The following BTBD9 variants were observed in gnomAD, a reference collection of about 807,000 sequenced individuals.
BTBD9 encodes BTB/POZ domain-containing protein 9.
Under a neutral mutation model 64.3 loss-of-function variants are expected in BTBD9, and 49 were observed. The ratio of observed to expected loss-of-function variants is 0.76; its 90% CI spans 0.61 to 0.97. The LOEUF (loss-of-function observed/expected upper bound fraction) is 0.97, where lower values mean the gene tolerates loss of function less well. Ranked by LOEUF, BTBD9 falls within the 50% of genes least tolerant of loss-of-function variation. The pLI is 0.00. For missense variants in BTBD9, 598 were observed against 762.1 expected, an observed-to-expected ratio of 0.78 and a Z score of 2.53; for synonymous variants, 260 against 274.7, an observed-to-expected ratio of 0.95 and a Z score of 0.53.
chr6:38,551,100 C>T (rs558142092), intron 6 of BTBD9, among the ~76,000 whole-genome samples: 2 of 151,234 alleles, frequency 1.3e-5, no homozygotes, highest in East Asian at 3.9e-4. Context: ...ATTGCAAACC[C>T]ACCCCATAAA....
At position 38,480,702 on chromosome 6, in the gene BTBD9, A is replaced by G. The variant is rs1327502792; in HGVS notation, c.1154+96898T>C. On this transcript the variant is annotated intron_variant, in intron 6 of 10. Coordinates refer to ENST00000481247, the MANE Select transcript of BTBD9 (RefSeq NM_001099272.2). ...GTAATGGAAGTGTACTCTGAGAACC[A>G]TCTGAAAAGAAGCCTGACAACTTGC... Among the ~76,000 whole-genome samples the G allele has an allele frequency of 3.3e-5, 5 of 152,216 alleles. No homozygotes were observed. The South Asian group carries it at 1.0e-3, about 32-fold the overall frequency.
chr6:38,270,339 C>A (rs1028922007), intron 8 of BTBD9, among the ~76,000 whole-genome samples: 7 of 152,072 alleles, frequency 4.6e-5, no homozygotes, highest in African/African-American at 1.7e-4. Flanking sequence ...ACCCCCCACC[C>A]CCCACTACCC....
At chr6:38,633,709 C>A (rs1391818970) in intron 1 of BTBD9, among the ~76,000 whole-genome samples, 8 of 152,080 alleles carry the variant, frequency 5.3e-5, no homozygotes, top group Non-Finnish European at 1.0e-4. Context: ...AGTCTGTAAT[C>A]AATATTTATA....
At chr6:38,194,023 A>G (rs1447698169) in intron 9 of BTBD9, among the ~76,000 whole-genome samples, 2 of 152,000 alleles carry the variant, frequency 1.3e-5, no homozygotes, top group Non-Finnish European at 2.9e-5. Context: ...TTCACACATG[A>G]AGGTGACGCC....
intron 6 of BTBD9, among the ~76,000 whole-genome samples, chr6:38,556,550 TGA>T (rs139812784): frequency 0.25 from 15,335 of 60,764 alleles, 1,013 homozygotes; most frequent in East Asian, 0.46. Flanking sequence ...TGTGTGTGTG[TGA>T]GAGAGAGAGA....
chr6:38,179,996 C>A (rs1363143445), intron 10 of BTBD9: 1 of 381,942 alleles, frequency 2.6e-6, no homozygotes, highest in Admixed American at 3.0e-5. Flanking sequence ...ACTCTGGTCA[C>A]CCCTCTGTGG....
intron 6 of BTBD9, among the ~76,000 whole-genome samples, chr6:38,436,921 A>T (rs1216735867): frequency 6.6e-6 from 1 of 152,216 alleles, no homozygotes; most frequent in African/African-American, 2.4e-5. Flanking sequence ...TGATAGTTGT[A>T]GTCATAGGAA....
At chr6:38,621,689 C>T (rs1777988672) in intron 1 of BTBD9, among the ~76,000 whole-genome samples, 1 of 152,220 alleles carries the variant, frequency 6.6e-6, no homozygotes, top group African/African-American at 2.4e-5. Context: ...TTCCTAACAT[C>T]TGGGGGAACC....
chr6:38,230,182 C>T lies in BTBD9; in HGVS notation c.1562+26227G>A, dbSNP rs960251649. Among the ~76,000 whole-genome samples, 4 of 152,102 alleles carry T rather than the reference C, an allele frequency of 2.6e-5. No homozygotes were observed. The East Asian group carries it at 7.7e-4, about 29-fold the overall frequency. On this transcript the variant is annotated intron_variant, in intron 9 of 10. Transcript: ENST00000481247. The stretch of plus-strand genomic sequence containing the variant: ...TTCTGATTTGTTCTCCACACAGCAA[C>T]CAGAATGAACTTTAAAAAGCAGACA...
intron 2 of BTBD9, among the ~76,000 whole-genome samples, chr6:38,595,229 T>C (rs1339788260): frequency 6.6e-6 from 1 of 152,230 alleles, no homozygotes; most frequent in Non-Finnish European, 1.5e-5. Context: ...AAGAAATTCA[T>C]ATTAAACTCT....
chr6:38,348,170 C>T (rs1764362635), intron 6 of BTBD9, among the ~76,000 whole-genome samples: 1 of 152,096 alleles, frequency 6.6e-6, no homozygotes, highest in Admixed American at 6.6e-5. Flanking sequence ...TTATTACTAC[C>T]CAAGTTATTG....
chr6:38,302,749 T>G (rs1193339278), intron 7 of BTBD9, among the ~76,000 whole-genome samples: 2 of 151,990 alleles, frequency 1.3e-5, no homozygotes, highest in African/African-American at 4.8e-5. Context: ...TGTACTAATT[T>G]ACATTACCAC....
intron 9 of BTBD9, among the ~76,000 whole-genome samples, chr6:38,224,311 G>C (rs1413297797): frequency 6.6e-6 from 1 of 152,144 alleles, no homozygotes; most frequent in Non-Finnish European, 1.5e-5. Context: ...ATTCCTCTTG[G>C]ATTTGTCTAT....
At chr6:38,253,114 A>AAACAACAACAAC (rs376665071) in intron 9 of BTBD9, among the ~76,000 whole-genome samples, 18 of 151,162 alleles carry the variant, frequency 1.2e-4, no homozygotes, top group African/African-American at 4.4e-4. Context: ...ACTCTGTCTC[A>AAACAACAACAAC]AACAACAACA....
At chr6:38,260,826 A>G (rs1197922066) in intron 8 of BTBD9, among the ~76,000 whole-genome samples, 1 of 152,206 alleles carries the variant, frequency 6.6e-6, no homozygotes, top group African/African-American at 2.4e-5. Context: ...ATATTCTTCT[A>G]CATCATATGT....
rs566438688 is a variant in BTBD9 at position 38,588,741 on chromosome 6, G to C, written c.814+3835C>G. 7.2e-5 allele frequency among the ~76,000 whole-genome samples: 11 copies of C among 152,318 alleles called. No individual in the cohort carries two copies. In the East Asian group the frequency reaches 2.1e-3, roughly 29 times the overall value. Reference sequence around the variant, plus strand: ...TGCTTAAAAATATAGCAACTTCTTAGTTATTTTGGAACACTACTCTTACAT... The same window carrying C: ...TGCTTAAAAATATAGCAACTTCTTACTTATTTTGGAACACTACTCTTACAT... On this transcript the variant is annotated intron_variant, in intron 4 of 10. Coordinates refer to ENST00000481247, the MANE Select transcript of BTBD9 (RefSeq NM_001099272.2).
At chr6:38,361,125 T>A (rs545572456) in intron 6 of BTBD9, among the ~76,000 whole-genome samples, 1 of 152,256 alleles carries the variant, frequency 6.6e-6, no homozygotes, top group Admixed American at 6.5e-5. Context: ...TTCGGAAATA[T>A]ATGGATGCTA....
chr6:38,492,917 G>C (rs1487203805), intron 6 of BTBD9, among the ~76,000 whole-genome samples: 1 of 152,144 alleles, frequency 6.6e-6, no homozygotes, highest in African/African-American at 2.4e-5. Context: ...GTTTATAGCT[G>C]TTCTTTAAAC....
intron 6 of BTBD9, among the ~76,000 whole-genome samples, chr6:38,557,745 T>C (rs1775093578): frequency 6.6e-6 from 1 of 151,944 alleles, no homozygotes; most frequent in African/African-American, 2.4e-5. Context: ...AAAACAGAGG[T>C]CCCAGACCAG....
Sources: allele counts gnomAD v4.1 joint callset (sites outside exome capture counted in the v4.1 genomes callset), GRCh38; gene constraint gnomAD v4.1.1; transcripts MANE v1.5; gene names NCBI Gene and HGNC (gene_info 2026-07-23, HGNC 2026-07-21).